Variants in WRN observed in about 807,000 individuals in gnomAD.
WRN encodes WRN RecQ like helicase.
A neutral mutation model predicts 180.7 loss-of-function variants in WRN; 149 were observed. The observed-to-expected ratio is 0.82, with a 90% CI of 0.72 to 0.94. WRN has a LOEUF of 0.94. WRN is among the 40% of genes least tolerant of loss of function. WRN has a pLI of 0.00. For synonymous variants in WRN, 548 were observed against 568.9 expected, an observed-to-expected ratio of 0.96 and a Z score of 0.52; for missense variants, 1,661 against 1,700.1, an observed-to-expected ratio of 0.98 and a Z score of 0.40.
chr8:31,052,943 A>G (rs568290070), intron 1 of WRN, among the ~76,000 whole-genome samples: 33 of 152,314 alleles, frequency 2.2e-4, no homozygotes, highest in Middle Eastern at 3.4e-3. Flanking sequence ...TTTGGGACCA[A>G]TGAGGCAAAA....
rs71208105 is a variant in WRN at position 31,149,455 on chromosome 8, G to GTTTTTTTTTT, written c.3573-859_3573-850dup. Among the ~76,000 whole-genome samples, 13 of 51,986 alleles carry GTTTTTTTTTT rather than the reference G, an allele frequency of 2.5e-4. 3 individuals carry two copies. The highest frequency in any genetic ancestry group is 6.9e-4 in the African/African-American group (9 of 13,020). The allele number at this position is 51,986 out of a possible 152,430, so 34.1% of individuals were successfully genotyped here. On this transcript the variant is annotated intron_variant, in intron 30 of 34. Transcript: ENST00000298139. ...TCTAAGACCATACTTTAATAGAGGT[G>GTTTTTTTTTT]TTTTTTTTTTTTTTTTTTTTTTTTT...
chr8:31,092,612 C>T (rs867730887), intron 16 of WRN, among the ~76,000 whole-genome samples: 3 of 151,926 alleles, frequency 2.0e-5, no homozygotes, highest in Non-Finnish European at 4.4e-5. Context: ...GCTTTCTTTA[C>T]GTATATATTA....
Position 31,174,308 on chromosome 8 carries a change from G to A in WRN, c.*1206G>A, listed in dbSNP as rs1394926708. Among the ~76,000 whole-genome samples the A allele has an allele frequency of 2.0e-5, 3 of 152,216 alleles. No homozygotes were observed. Among genetic ancestry groups the A allele is most frequent in the Non-Finnish European group, 2.9e-5 (2 of 68,040 alleles). ...AATATCCTGTGTGATGGAGTGGCAA[G>A]TACGCACAGACACGTCTGCTGCATG... is the stretch of plus-strand genomic sequence containing the variant. On this transcript the variant is annotated 3_prime_UTR_variant, in exon 35 of 35. Coordinates refer to ENST00000298139, the MANE Select transcript of WRN (RefSeq NM_000553.6).
rs373437089 is a variant in WRN at position 31,162,030 on chromosome 8, C to T, written c.3982+4500C>T. 2.2e-4 allele frequency among the ~76,000 whole-genome samples: 33 copies of T among 152,032 alleles called. No individual in the cohort carries two copies. The East Asian group carries it at 4.8e-3, about 22-fold the overall frequency. ...TTAGGCCACACTCACCCCTGTGATA[C>T]GAGTCTACCTACTGTATAACGTACC... On this transcript the variant is annotated intron_variant, in intron 33 of 34. Coordinates refer to ENST00000298139, the MANE Select transcript of WRN (RefSeq NM_000553.6).
chr8:31,088,478 T>G (rs931545852), intron 12 of WRN, among the ~76,000 whole-genome samples: 3 of 152,192 alleles, frequency 2.0e-5, no homozygotes, highest in Admixed American at 2.0e-4. Context: ...TTTAGGTAAC[T>G]AAAACGAAGA....
At position 31,105,623 on chromosome 8, in the gene WRN, G is replaced by A. The variant is rs147655743; in HGVS notation, c.2088+4668G>A. 3.4e-3 allele frequency among the ~76,000 whole-genome samples: 523 copies of A among 152,118 alleles called. 4 individuals carry two copies. The highest frequency in any genetic ancestry group is 0.012 in the African/African-American group (508 of 41,440). ...TTATAGGTACGTGCCACCATGCCTA[G>A]CTAATTTTGTATTTTTAGTAGAGAT... is the stretch of plus-strand genomic sequence containing the variant. On this transcript the variant is annotated intron_variant, in intron 18 of 34. Transcript: ENST00000298139.
At chr8:31,168,117 A>G (rs1272659768) in intron 34 of WRN, among the ~76,000 whole-genome samples, 1 of 152,138 alleles carries the variant, frequency 6.6e-6, no homozygotes. Flanking sequence ...ATCTTTTTAA[A>G]TTCTGTACTT....
chr8:31,079,278 T>C (rs932742448), intron 8 of WRN, among the ~76,000 whole-genome samples: 2 of 152,194 alleles, frequency 1.3e-5, no homozygotes, highest in Admixed American at 1.3e-4. Flanking sequence ...TTAGTACTTT[T>C]GATAGTTTAT....
At chr8:31,141,892 G>A (rs1802653688) in intron 26 of WRN, 117 bp downstream of exon 26, 4 of 998,212 alleles carry the variant, frequency 4.0e-6, no homozygotes, top group South Asian at 1.4e-5. Flanking sequence ...GTTTGTTTTT[G>A]TATGCCTATT....
intron 23 of WRN, among the ~76,000 whole-genome samples, chr8:31,129,353 G>A (rs888003295): frequency 6.6e-6 from 1 of 152,160 alleles, no homozygotes; most frequent in African/African-American, 2.4e-5. Context: ...AGGGCTGCCT[G>A]AGTTAAGTAG....
At position 31,149,468 on chromosome 8, in the gene WRN, T is replaced by TTTG. The variant is rs1563381781; in HGVS notation, c.3573-871_3573-870insGTT. The stretch of plus-strand genomic sequence containing the variant: ...TTTAATAGAGGTGTTTTTTTTTTTT[T>TTTG]TTTTTTTTTTTTTTTTTTTTTTTGG... On this transcript the variant is annotated intron_variant, in intron 30 of 34. Coordinates refer to ENST00000298139, the MANE Select transcript of WRN (RefSeq NM_000553.6). Among the ~76,000 whole-genome samples, 17 of 56,048 alleles carry TTTG rather than the reference T, an allele frequency of 3.0e-4. 1 individual carries two copies. Among genetic ancestry groups the TTTG allele is most frequent in the South Asian group, 1.5e-3 (2 of 1,348 alleles). The allele number at this position is 56,048 out of a possible 152,430, so 36.8% of individuals were successfully genotyped here.
chr8:31,167,261 T>G (rs1803936602), intron 34 of WRN, 31 bp downstream of exon 34: 1 of 1,577,506 alleles, frequency 6.3e-7, no homozygotes, highest in African/African-American at 1.4e-5. Flanking sequence ...TTTCATAAAG[T>G]GTCAGTTTGT....
In WRN at chr8:31,125,000, G is replaced by C. The variant is rs772600753; in HGVS notation, c.2825G>C (p.Arg942Thr). Residue 942 changes from arginine (R) to threonine (T), a missense_variant and splice_region_variant, in exon 23 of 35, where the codon AGA becomes ACA. By Grantham distance (71) the Arg-to-Thr change is moderately conservative (BLOSUM62 -1). Transcript: ENST00000298139. ...AAATGCTGTGATAATTGCAGGTCCA[G>C]GTAAAGATTTCTTATTATAGATGGA... The part of the protein sequence containing the change: ...TEKCCDNCRS[R>T]LDHCYSMDDS... 1.1e-5 allele frequency: 17 copies of C among 1,611,918 alleles called. No individual in the cohort carries two copies. The highest frequency in any genetic ancestry group is 1.4e-5 in the Non-Finnish European group (17 of 1,178,520).
chr8:31,063,818 G>A (rs548278175), intron 3 of WRN, among the ~76,000 whole-genome samples: 38 of 152,154 alleles, frequency 2.5e-4, no homozygotes, highest in Non-Finnish European at 3.5e-4. Flanking sequence ...CGAACTCCTG[G>A]ACTCAAGTGA....
At chr8:31,132,113 T>G (rs1802201323) in intron 23 of WRN, among the ~76,000 whole-genome samples, 1 of 152,032 alleles carries the variant, frequency 6.6e-6, no homozygotes, top group African/African-American at 2.4e-5. Flanking sequence ...CTGAGGTGCC[T>G]CCCATGAAAC....
intron 18 of WRN, among the ~76,000 whole-genome samples, chr8:31,103,835 C>T (rs934945700): frequency 2.6e-5 from 4 of 151,986 alleles, no homozygotes; most frequent in Non-Finnish European, 4.4e-5. Flanking sequence ...CCTGGGTTCA[C>T]GCCATTCTCC....
rs903843755 is a variant in WRN, at chr8:31,058,605, G to C, written c.96+62G>C. 3 of 1,515,484 alleles carry C rather than the reference G, an allele frequency of 2.0e-6. No homozygotes were observed. The African/African-American group carries it at 4.1e-5, about 21-fold the overall frequency. 93.9% of individuals were successfully genotyped at this position (1,515,484 alleles called of 1,614,324 possible). A position where few individuals can be genotyped will look rare whatever the true frequency, so the allele number is the denominator to read the frequency against. On this transcript the variant is annotated intron_variant, in intron 2 of 34. Transcript: ENST00000298139. ...TTTAATTTATATTTGACTGTGCAAA[G>C]AGTCAGTTGTTACTTGTAAACTTCA...
intron 33 of WRN, among the ~76,000 whole-genome samples, chr8:31,161,137 A>G (rs923255029): frequency 9.9e-5 from 15 of 152,142 alleles, no homozygotes; most frequent in African/African-American, 3.4e-4. Context: ...TTGGGAATAG[A>G]TAGATCTGTA....
intron 1 of WRN, among the ~76,000 whole-genome samples, chr8:31,042,606 T>C (rs1228798901): frequency 2.0e-5 from 3 of 152,228 alleles, no homozygotes; most frequent in Non-Finnish European, 4.4e-5. Context: ...CACCAGTGTT[T>C]TAGGTTAACC....
Sources: gnomAD v4.1 joint callset for allele counts (sites outside exome capture counted in the v4.1 genomes callset) on GRCh38, gnomAD v4.1.1 for gene constraint, MANE v1.5 for transcripts, NCBI Gene and HGNC (gene_info 2026-07-23, HGNC 2026-07-21) for gene names.